Variants in LRP1B observed in about 807,000 individuals in gnomAD.
The protein encoded by LRP1B is low-density lipoprotein receptor-related protein 1B.
In LRP1B, 217 loss-of-function variants were observed where a neutral mutation model predicts 556.6. The observed-to-expected ratio is 0.39, with a 90% CI of 0.35 to 0.44. The LOEUF (loss-of-function observed/expected upper bound fraction) is 0.44. Ranked by LOEUF, LRP1B falls within the 20% of genes least tolerant of loss-of-function variation. The pLI is 1.00. For missense variants in LRP1B, 5,053 were observed against 5,620.8 expected (o/e 0.90, Z 3.23); for synonymous variants, 2,047 against 1,865.8 (o/e 1.10, Z -2.50).
At chr2:141,012,105 T>C (rs1268541074) in intron 14 of LRP1B, among the ~76,000 whole-genome samples, 1 of 151,926 alleles carries the variant, frequency 6.6e-6, no homozygotes, top group Non-Finnish European at 1.5e-5. Context: ...AGTCCAAAGT[T>C]TTAAAAGGAG....
intron 33 of LRP1B, among the ~76,000 whole-genome samples, chr2:140,771,827 G>A (rs890553037): frequency 6.6e-6 from 1 of 152,148 alleles, no homozygotes; most frequent in African/African-American, 2.4e-5. Context: ...GGATGTTCAA[G>A]CACTGATATG....
intron 2 of LRP1B, among the ~76,000 whole-genome samples, chr2:141,688,297 C>T (rs1246052914): frequency 6.6e-6 from 1 of 151,676 alleles, no homozygotes; most frequent in Non-Finnish European, 1.5e-5. Context: ...AATAGCTAAC[C>T]GCTATTGTGC....
At chr2:142,062,294 G>T (rs926230896) in intron 1 of LRP1B, among the ~76,000 whole-genome samples, 2 of 151,790 alleles carry the variant, frequency 1.3e-5, no homozygotes, top group Admixed American at 6.6e-5. Flanking sequence ...TCACCTCTCT[G>T]ACCTCTAAAA....
intron 1 of LRP1B, among the ~76,000 whole-genome samples, chr2:141,934,140 CT>C (rs1396039685): frequency 1.3e-5 from 2 of 151,938 alleles, no homozygotes; most frequent in African/African-American, 4.8e-5. Flanking sequence ...AAAAATATTG[CT>C]TTTTATATGT....
At chr2:141,292,341 G>A (rs1686005032) in intron 3 of LRP1B, among the ~76,000 whole-genome samples, 1 of 152,034 alleles carries the variant, frequency 6.6e-6, no homozygotes, top group African/African-American at 2.4e-5. Context: ...AGGCATCTAG[G>A]GTGCAGAGAT....
At chr2:141,162,777 TCA>T (rs1558903059) in intron 7 of LRP1B, among the ~76,000 whole-genome samples, 1 of 152,134 alleles carries the variant, frequency 6.6e-6, no homozygotes, top group African/African-American at 2.4e-5. Context: ...AGATAGTTTA[TCA>T]GTGAAGTTCA....
chr2:141,674,612 G>T (rs191459140), intron 2 of LRP1B, among the ~76,000 whole-genome samples: 3 of 151,834 alleles, frequency 2.0e-5, no homozygotes. Context: ...ATTGCTTCAC[G>T]TGCATGGTTT....
Position 140,868,243 on chromosome 2 carries a change from C to T in LRP1B, c.4190G>A (p.Trp1397Ter), listed in dbSNP as rs2105156716. The T allele has an allele frequency of 6.3e-7, 1 of 1,576,704 alleles. No homozygotes were observed. The highest frequency in any genetic ancestry group is 8.6e-7 in the Non-Finnish European group (1 of 1,167,682). ...PRYGILFWTD[W>*]DANFPRIESA... ...TTCAATGCGAGGAAAATTTGCATCCCAGTCTGTCCAGAAAAGAATTCTAAA... is the reference window on the plus strand; with the variant it reads ...TTCAATGCGAGGAAAATTTGCATCCTAGTCTGTCCAGAAAAGAATTCTAAA... The change falls in exon 26 of 91, where the codon TGG (tryptophan) becomes TAG (stop). Residue 1397 changes from tryptophan to a stop codon, truncating the protein, a stop_gained. Transcript: ENST00000389484. LOFTEE classifies it high-confidence loss of function.
At chr2:140,334,394 G>T in intron 79 of LRP1B, 59 bp downstream of exon 79, 1 of 1,038,248 alleles carries the variant, frequency 9.6e-7, no homozygotes, top group Non-Finnish European at 1.5e-6. Flanking sequence ...AGAAATAACT[G>T]TTAACAGTAA....
At chr2:142,130,558 C>G in intron 1 of LRP1B, 90 bp downstream of exon 1, 1 of 1,134,866 alleles carries the variant, frequency 8.8e-7, no homozygotes. Context: ...GCTGCAAGGA[C>G]TTAAGTTTCA....
intron 3 of LRP1B, among the ~76,000 whole-genome samples, chr2:141,294,336 A>T (rs1573766628): frequency 6.6e-6 from 1 of 152,322 alleles, no homozygotes; most frequent in Non-Finnish European, 1.5e-5. Context: ...ACTTAAGAAA[A>T]GTCAAGATTA....
chr2:140,484,338 C>T (rs1421082357), intron 59 of LRP1B, among the ~76,000 whole-genome samples: 1 of 151,742 alleles, frequency 6.6e-6, no homozygotes, highest in African/African-American at 2.4e-5. Flanking sequence ...ACATGAGGGA[C>T]CAAAAAAATT....
chr2:141,012,893 A>G (rs187439883), intron 14 of LRP1B, among the ~76,000 whole-genome samples: 3 of 151,954 alleles, frequency 2.0e-5, no homozygotes. Flanking sequence ...GACTATTTAG[A>G]CTCATAAAAA....
At chr2:141,243,463 T>C (rs922422115) in intron 5 of LRP1B, among the ~76,000 whole-genome samples, 9 of 152,110 alleles carry the variant, frequency 5.9e-5, no homozygotes, top group African/African-American at 1.9e-4. Flanking sequence ...GCCTGAGCAA[T>C]AGTGTGAGAC....
chr2:141,987,511 A>T (rs981263040), intron 1 of LRP1B, among the ~76,000 whole-genome samples: 3 of 150,508 alleles, frequency 2.0e-5, no homozygotes, highest in African/African-American at 7.3e-5. Flanking sequence ...ACAATTAATT[A>T]ACCTTACAGA....
Position 140,446,823 on chromosome 2 carries a change from A to T in LRP1B, c.10058-2144T>A, listed in dbSNP as rs539673205. Among the ~76,000 whole-genome samples, 565 of 152,264 alleles carry T rather than the reference A, an allele frequency of 3.7e-3. 4 individuals are homozygous for T. The highest frequency in any genetic ancestry group is 0.013 in the African/African-American group (526 of 41,562). On this transcript the variant is annotated intron_variant, in intron 63 of 90. Transcript: ENST00000389484. ...CAGGCAACAAAAGCAAACACAGACA[A>T]ATGGAATTACATCAAATTAAAAAAC...
intron 43 of LRP1B, among the ~76,000 whole-genome samples, chr2:140,588,096 A>G (rs111356791): frequency 1.6e-4 from 24 of 152,320 alleles, no homozygotes; most frequent in African/African-American, 5.5e-4. Flanking sequence ...TTCGAAAGCA[A>G]TAGGGAAGTA....
In LRP1B at chr2:140,817,507, G is replaced by C. The variant is rs140596938; in HGVS notation, c.5210-3701C>G. Among the ~76,000 whole-genome samples the C allele has an allele frequency of 3.6e-4, 55 of 151,360 alleles. 1 individual carries two copies. The Middle Eastern group carries it at 0.025, about 69-fold the overall frequency. ...TTATTTGAACATTTTGATTTAAATA[G>C]GCCAGTTTAATTGTTACTGAGACAA... On this transcript the variant is annotated intron_variant, in intron 31 of 90. Transcript: ENST00000389484.
chr2:140,293,722 T>G (rs902950618), intron 84 of LRP1B, among the ~76,000 whole-genome samples: 3 of 152,156 alleles, frequency 2.0e-5, no homozygotes, highest in African/African-American at 7.2e-5. Context: ...TTGTCAGCTG[T>G]TGAATTTGTC....
Sources: allele counts gnomAD v4.1 joint callset (sites outside exome capture counted in the v4.1 genomes callset), GRCh38; gene constraint gnomAD v4.1.1; transcripts MANE v1.5; gene names NCBI Gene and HGNC (gene_info 2026-07-23, HGNC 2026-07-21).